FRMD4A: variants seen among roughly 807,000 people sequenced by gnomAD.
FRMD4A encodes FERM domain containing 4A, also known as FERM domain-containing protein 4A.
In FRMD4A, 29 loss-of-function variants were observed where a neutral mutation model predicts 129.1. The ratio of observed to expected loss-of-function variants is 0.22; its 90% CI spans 0.17 to 0.31. FRMD4A has a LOEUF of 0.31. Ranked by LOEUF, FRMD4A falls within the 10% of genes least tolerant of loss-of-function variation. The probability of loss-of-function intolerance (pLI) is 1.00; values close to 1 mark genes in which losing one functional copy is unlikely to be tolerated. For synonymous variants in FRMD4A, 634 were observed against 571.6 expected (o/e 1.11, Z -1.56); for missense variants, 1,272 against 1,375.8 (o/e 0.92, Z 1.19).
chr10:14,109,962 C>G (rs1837799486), intron 2 of FRMD4A, among the ~76,000 whole-genome samples: 1 of 149,136 alleles, frequency 6.7e-6, no homozygotes, highest in African/African-American at 2.5e-5. Context: ...CACAGCAAGA[C>G]TCCGTCTCCC....
intron 2 of FRMD4A, among the ~76,000 whole-genome samples, chr10:14,076,989 G>A (rs1316416173): frequency 1.3e-5 from 2 of 152,194 alleles, no homozygotes; most frequent in Non-Finnish European, 2.9e-5. Context: ...AGAGGGAAGA[G>A]TCTGGAGGCT....
chr10:13,964,030 G>A lies in FRMD4A; in HGVS notation c.46-105118C>T, dbSNP rs965225903. On this transcript the variant is annotated intron_variant, in intron 2 of 24. Coordinates refer to ENST00000357447, the MANE Select transcript of FRMD4A (RefSeq NM_018027.5). Reference sequence around the variant, plus strand: ...ACATTCAAGGGCATTCATGCTTGGAGGAAGGTGGGATGTGCCCTGTGACCC... The same window carrying A: ...ACATTCAAGGGCATTCATGCTTGGAAGAAGGTGGGATGTGCCCTGTGACCC... Among the ~76,000 whole-genome samples the A allele has an allele frequency of 3.3e-5, 5 of 151,974 alleles. No homozygotes were observed. The South Asian group carries it at 8.3e-4, about 25-fold the overall frequency.
At chr10:14,102,031 G>T (rs540584741) in intron 2 of FRMD4A, among the ~76,000 whole-genome samples, 17 of 152,330 alleles carry the variant, frequency 1.1e-4, no homozygotes, top group African/African-American at 3.8e-4. Context: ...TTTGGGAATA[G>T]AAGATGCACG....
intron 6 of FRMD4A, among the ~76,000 whole-genome samples, chr10:13,767,220 C>T (rs1418875902): frequency 6.6e-6 from 1 of 152,122 alleles, no homozygotes; most frequent in Non-Finnish European, 1.5e-5. Flanking sequence ...TCTGACTTCT[C>T]CAGTGGTCCA....
At chr10:13,823,152 G>A (rs1342534289) in intron 3 of FRMD4A, among the ~76,000 whole-genome samples, 1 of 152,198 alleles carries the variant, frequency 6.6e-6, no homozygotes, top group African/African-American at 2.4e-5. Context: ...CCAATGGGAA[G>A]GCTTTGACAG....
At chr10:13,773,514 T>C (rs529506668) in intron 6 of FRMD4A, among the ~76,000 whole-genome samples, 2 of 152,342 alleles carry the variant, frequency 1.3e-5, no homozygotes, top group African/African-American at 4.8e-5. Context: ...TGAGCACCAA[T>C]TTTCTTTTCT....
At chr10:13,671,146 G>A (rs1438051136) in intron 16 of FRMD4A, among the ~76,000 whole-genome samples, 1 of 152,176 alleles carries the variant, frequency 6.6e-6, no homozygotes, top group East Asian at 1.9e-4. Flanking sequence ...ACATTAAACT[G>A]TTTAATTTAA....
intron 5 of FRMD4A, among the ~76,000 whole-genome samples, chr10:13,786,809 G>A (rs927927741): frequency 6.6e-6 from 1 of 152,126 alleles, no homozygotes; most frequent in Non-Finnish European, 1.5e-5. Flanking sequence ...GTGCTCTAAT[G>A]ATGATTTTGA....
chr10:13,930,598 CAA>C (rs1310063586), intron 2 of FRMD4A, among the ~76,000 whole-genome samples: 1 of 152,150 alleles, frequency 6.6e-6, no homozygotes, highest in Non-Finnish European at 1.5e-5. Context: ...CAGTCCCATG[CAA>C]AGAGTGTCAC....
intron 2 of FRMD4A, among the ~76,000 whole-genome samples, chr10:13,961,054 C>A (rs758385281): frequency 5.3e-5 from 8 of 152,294 alleles, no homozygotes; most frequent in Non-Finnish European, 8.8e-5. Flanking sequence ...TAATTGATGA[C>A]CCCTATAATA....
At chr10:13,811,757 C>T (rs939361669) in intron 3 of FRMD4A, among the ~76,000 whole-genome samples, 10 of 152,052 alleles carry the variant, frequency 6.6e-5, no homozygotes, top group Admixed American at 1.3e-4. Context: ...GAAACAGGGC[C>T]GGAAGAGAAG....
At chr10:14,256,862 A>G (rs1226433553) in intron 2 of FRMD4A, among the ~76,000 whole-genome samples, 5 of 152,144 alleles carry the variant, frequency 3.3e-5, no homozygotes, top group Non-Finnish European at 7.3e-5. Flanking sequence ...ATGTATATGT[A>G]ATAACATATA....
At chr10:13,994,241 G>A (rs111714047) in intron 2 of FRMD4A, among the ~76,000 whole-genome samples, 2,400 of 141,216 alleles carry the variant, frequency 0.017, 78 homozygotes, top group African/African-American at 0.06. Context: ...GTGCAGTGGT[G>A]TGATATTGGC....
chr10:13,675,005 T>C lies in FRMD4A; in HGVS notation c.1157A>G (p.Asp386Gly), dbSNP rs1361090371. The C allele has an allele frequency of 6.2e-7, 1 of 1,613,894 alleles. No individual in the cohort carries two copies. Among genetic ancestry groups the C allele is most frequent in the Admixed American group, 1.7e-5 (1 of 60,012 alleles). The change falls in exon 16 of 25, where the codon GAC becomes GGC. Residue 386 changes from aspartate (D) to glycine (G), a missense_variant. Coordinates refer to ENST00000357447, the MANE Select transcript of FRMD4A (RefSeq NM_018027.5). ...CCTGGACTTCAAGGCAGCCAGCATGTCCTTCTTGGCCGACTGCGAGCTATC... is the reference window on the plus strand; with the variant it reads ...CCTGGACTTCAAGGCAGCCAGCATGCCCTTCTTGGCCGACTGCGAGCTATC... Reference protein sequence around the residue: ...ESDSSQSAKKDMLAALKSRQE... With the variant: ...ESDSSQSAKKGMLAALKSRQE...
At chr10:13,694,352 T>C (rs60885882) in intron 14 of FRMD4A, among the ~76,000 whole-genome samples, 2,437 of 152,244 alleles carry the variant, frequency 0.016, 56 homozygotes, top group African/African-American at 0.055. Context: ...TGAGCTTTAT[T>C]ATTCCCAGCC....
At chr10:14,140,657 G>C (rs1395785872) in intron 2 of FRMD4A, among the ~76,000 whole-genome samples, 1 of 152,054 alleles carries the variant, frequency 6.6e-6, no homozygotes, top group Non-Finnish European at 1.5e-5. Context: ...AATGTTGGTG[G>C]CTCCAAAGTT....
At chr10:14,122,312 C>T (rs933455398) in intron 2 of FRMD4A, among the ~76,000 whole-genome samples, 9 of 152,172 alleles carry the variant, frequency 5.9e-5, no homozygotes, top group African/African-American at 1.9e-4. Context: ...TAAAAAGCCA[C>T]CAAGCTCACA....
chr10:14,162,736 G>A (rs1423209063), intron 2 of FRMD4A, among the ~76,000 whole-genome samples: 1 of 142,480 alleles, frequency 7.0e-6, no homozygotes, highest in Non-Finnish European at 1.5e-5. Context: ...TGGGATTTTC[G>A]TTAGCTGGTT....
intron 2 of FRMD4A, among the ~76,000 whole-genome samples, chr10:14,231,468 G>A (rs919605630): frequency 6.6e-5 from 10 of 151,630 alleles, no homozygotes; most frequent in Admixed American, 6.6e-4. Context: ...TCAGCTTCCT[G>A]AGTAGCTGGG....
Sources: allele counts gnomAD v4.1 joint callset (sites outside exome capture counted in the v4.1 genomes callset), GRCh38; gene constraint gnomAD v4.1.1; transcripts MANE v1.5; gene names NCBI Gene and HGNC (gene_info 2026-07-23, HGNC 2026-07-21).